The following OR4K1 variants were observed in gnomAD, a reference collection of about 807,000 sequenced individuals.
OR4K1 encodes olfactory receptor family 4 subfamily K member 1.
A neutral mutation model predicts 14.4 loss-of-function variants in OR4K1; 16 were observed. The ratio of observed to expected loss-of-function variants is 1.11; its 90% CI spans 0.75 to 1.68. OR4K1 has a LOEUF of 1.68. Ranked by LOEUF, OR4K1 falls within the 40% of genes most tolerant of loss-of-function variation. OR4K1 has a pLI of 0.00. For synonymous variants in OR4K1, 181 were observed against 133.1 expected (o/e 1.36, Z -2.48); for missense variants, 548 against 376.9 (o/e 1.45, Z -3.76).
At position 19,935,917 on chromosome 14, in the gene OR4K1, A is replaced by G; in HGVS notation, c.251A>G (p.Asp84Gly). The change falls in exon 2 of 2, where the codon GAC becomes GGC. Residue 84 changes from aspartate (D) to glycine (G), a missense_variant. Transcript: ENST00000641172. ...SNFATPKMLVDFFIERKTISF... is the reference protein window; with the variant it reads ...SNFATPKMLVGFFIERKTISF... Reference sequence around the variant, plus strand: ...TTTGCCACCCCCAAGATGCTTGTAGACTTTTTTATTGAGCGCAAGACTATC... The same window carrying G: ...TTTGCCACCCCCAAGATGCTTGTAGGCTTTTTTATTGAGCGCAAGACTATC... The G allele has an allele frequency of 6.2e-7, 1 of 1,613,942 alleles. No individual in the cohort carries two copies. Among genetic ancestry groups the G allele is most frequent in the Non-Finnish European group, 8.5e-7 (1 of 1,180,036 alleles).
At chr14:19,926,921 A>G (rs1882074406), upstream of OR4K1, among the ~76,000 whole-genome samples, 1 of 152,274 alleles carries the variant, frequency 6.6e-6, no homozygotes, top group Non-Finnish European at 1.5e-5. Flanking sequence ...AGATCTTAGT[A>G]TGCTGTTGGG....
rs776240917 is a variant in OR4K1, at chr14:19,936,117, G to T, written c.451G>T (p.Val151Leu). Residue 151 changes from valine to leucine, a missense_variant, in exon 2 of 2, where the codon GTG (valine) becomes TTG (leucine). Val to Leu is a conservative substitution (Grantham distance 32, BLOSUM62 1). Transcript: ENST00000641172. Reference protein sequence around the residue: ...CVIFVSISWAVGVLHSVSHLA... With the variant: ...CVIFVSISWALGVLHSVSHLA... Reference sequence around the variant, plus strand: ...AATTTTTGTGTCTATTTCCTGGGCGGTGGGCGTTCTTCATTCTGTGAGCCA... The same window carrying T: ...AATTTTTGTGTCTATTTCCTGGGCGTTGGGCGTTCTTCATTCTGTGAGCCA... 1.2e-6 allele frequency: 2 copies of T among 1,614,230 alleles called. No homozygotes were observed. Among genetic ancestry groups the T allele is most frequent in the Non-Finnish European group, 1.7e-6 (2 of 1,180,038 alleles).
chr14:19,925,188 T>G, the OR4K1 span, among the ~76,000 whole-genome samples: 3 of 152,200 alleles, frequency 2.0e-5, no homozygotes, highest in Admixed American at 1.3e-4. Flanking sequence ...TGGAAATAAC[T>G]CTAGTCAATT....
At chr14:19,929,561 T>A (rs1362776246), upstream of OR4K1, among the ~76,000 whole-genome samples, 1 of 152,124 alleles carries the variant, frequency 6.6e-6, no homozygotes. Context: ...CTCCTAGTAA[T>A]CTTTGTAGGC....
upstream of OR4K1, chr14:19,930,850 C>A (rs1304892898): frequency 6.6e-6 from 1 of 152,208 alleles, no homozygotes; most frequent in East Asian, 1.9e-4. Flanking sequence ...AATCAGTTTT[C>A]TAGAATGAGG....
At chr14:19,921,420 G>C in the OR4K1 span, 32 of 1,613,914 alleles carry the variant, frequency 2.0e-5, no homozygotes, top group Admixed American at 5.3e-4. Context: ...TAAATTTCTT[G>C]CCATATTTTA....
chr14:19,920,611 A>G, the OR4K1 span: 1 of 1,601,856 alleles, frequency 6.2e-7, no homozygotes, highest in Non-Finnish European at 8.5e-7. Flanking sequence ...GGAACCATGG[A>G]TAAGTCCAAT....
chr14:19,925,064 T>C, the OR4K1 span, among the ~76,000 whole-genome samples: 1 of 152,246 alleles, frequency 6.6e-6, no homozygotes, highest in Non-Finnish European at 1.5e-5. Context: ...AAAAATTCTT[T>C]TTTTTTCCTC....
the OR4K1 span, among the ~76,000 whole-genome samples, chr14:19,925,226 G>A: frequency 6.6e-6 from 1 of 152,190 alleles, no homozygotes; most frequent in East Asian, 1.9e-4. Context: ...AGTGTCTTGA[G>A]TTGGCTGTCA....
chr14:19,932,083 G>A (rs931659606), intron 1 of OR4K1, among the ~76,000 whole-genome samples: 3 of 152,168 alleles, frequency 2.0e-5, no homozygotes, highest in African/African-American at 7.2e-5. Flanking sequence ...AAAAATCATA[G>A]GAAGTTAGTT....
At chr14:19,923,470 G>A in the OR4K1 span, among the ~76,000 whole-genome samples, 23 of 152,012 alleles carry the variant, frequency 1.5e-4, no homozygotes, top group Non-Finnish European at 2.4e-4. Context: ...TAATTGCATT[G>A]GATTCATGTG....
chr14:19,926,230 G>C (rs753663053), upstream of OR4K1, among the ~76,000 whole-genome samples: 4 of 152,262 alleles, frequency 2.6e-5, no homozygotes, highest in South Asian at 4.1e-4. Flanking sequence ...AAAACCTCTC[G>C]TCTTTGTCTT....
At chr14:19,920,742 A>G in the OR4K1 span, 3 of 1,613,958 alleles carry the variant, frequency 1.9e-6, no homozygotes, top group East Asian at 2.2e-5. Context: ...TCTTCTCATT[A>G]TCCTCACAGT....
intron 1 of OR4K1, among the ~76,000 whole-genome samples, chr14:19,934,485 G>T (rs1400570492): frequency 6.6e-6 from 1 of 152,212 alleles, no homozygotes; most frequent in Non-Finnish European, 1.5e-5. Flanking sequence ...CATGTTGTTG[G>T]TTATTGTTTC....
the OR4K1 span, among the ~76,000 whole-genome samples, chr14:19,925,747 C>A: frequency 6.6e-6 from 1 of 152,214 alleles, no homozygotes; most frequent in Non-Finnish European, 1.5e-5. Context: ...TACAGAGAGA[C>A]GGTGTCATGG....
upstream of OR4K1, among the ~76,000 whole-genome samples, chr14:19,930,610 G>A (rs1389502854): frequency 6.6e-6 from 1 of 152,212 alleles, no homozygotes. Flanking sequence ...TTGTGTGATT[G>A]TTTTATTAAC....
chr14:19,920,452 T>G, the OR4K1 span: 1 of 833,756 alleles, frequency 1.2e-6, no homozygotes, highest in Non-Finnish European at 1.9e-6. Flanking sequence ...AGACATACTA[T>G]TATGGCCTCT....
chr14:19,932,120 A>G (rs1270636229), intron 1 of OR4K1, among the ~76,000 whole-genome samples: 2 of 152,232 alleles, frequency 1.3e-5, no homozygotes, highest in Non-Finnish European at 2.9e-5. Flanking sequence ...GTTGTTTCCT[A>G]TATTTTGAAA....
At chr14:19,935,334 A>T (rs563203980) in intron 1 of OR4K1, among the ~76,000 whole-genome samples, 1 of 152,358 alleles carries the variant, frequency 6.6e-6, no homozygotes, top group East Asian at 1.9e-4. Flanking sequence ...TAATCTTATT[A>T]ACATTTATAC....
Sources: gnomAD v4.1 joint callset for allele counts (sites outside exome capture counted in the v4.1 genomes callset) on GRCh38, gnomAD v4.1.1 for gene constraint, MANE v1.5 for transcripts, NCBI Gene and HGNC (gene_info 2026-07-23, HGNC 2026-07-21) for gene names.